MAPT: variants seen among roughly 807,000 people sequenced by gnomAD.
MAPT encodes microtubule-associated protein tau.
Under a neutral mutation model 67.9 loss-of-function variants are expected in MAPT, and 34 were observed. That is an observed-to-expected ratio of 0.50 (90% CI 0.38 to 0.67). The LOEUF is 0.67. Among genes scored for constraint, MAPT ranks in the 30% least tolerant of loss-of-function variants. The pLI is 0.00. For missense variants in MAPT, 881 were observed against 1,115.2 expected (o/e 0.79, Z 2.99); for synonymous variants, 456 against 464.5 (o/e 0.98, Z 0.23).
At chr17:46,021,243 C>G (rs1021639500) in intron 12 of MAPT, among the ~76,000 whole-genome samples, 1 of 152,152 alleles carries the variant, frequency 6.6e-6, no homozygotes, top group Non-Finnish European at 1.5e-5. Flanking sequence ...TCTCGGGTTG[C>G]GCGACAGGGA....
At chr17:45,972,390 C>A (rs1410419156) in intron 3 of MAPT, among the ~76,000 whole-genome samples, 1 of 152,288 alleles carries the variant, frequency 6.6e-6, no homozygotes, top group East Asian at 1.9e-4. Flanking sequence ...GGACTTTGGC[C>A]ACGGTGTTTG....
chr17:45,985,689 G>T, intron 5 of MAPT: 1 of 985,412 alleles, frequency 1.0e-6, no homozygotes, highest in Non-Finnish European at 1.2e-6. Context: ...CGATTTAGCA[G>T]ATTCTTTTGT....
rs1395845753 is a variant in MAPT, at chr17:46,024,776, C to T, written c.*605C>T. ...GAAGTGGGAGTGGGAGAGGAAGCCACGTGCTGGAGAGTAGACATCCCCCTC... is the reference window on the plus strand; with the variant it reads ...GAAGTGGGAGTGGGAGAGGAAGCCATGTGCTGGAGAGTAGACATCCCCCTC... On this transcript the variant is annotated 3_prime_UTR_variant, in exon 13 of 13. Transcript: ENST00000262410. 2.8e-5 allele frequency: 5 copies of T among 179,132 alleles called. No individual in the cohort carries two copies. Among genetic ancestry groups the T allele is most frequent in the South Asian group, 2.4e-4 (2 of 8,460 alleles). 11.1% of individuals were successfully genotyped at this position (179,132 alleles called of 1,614,324 possible).
chr17:45,983,024 G>T lies in MAPT; in HGVS notation c.445G>T (p.Ala149Ser), dbSNP rs1029142365. 2.7e-6 allele frequency: 4 copies of T among 1,475,106 alleles called. No individual in the cohort carries two copies. The highest frequency in any genetic ancestry group is 2.5e-5 in the East Asian group (1 of 40,100). The allele number at this position is 1,475,106 out of a possible 1,614,324, so 91.4% of individuals were successfully genotyped here. A position where few individuals can be genotyped will look rare whatever the true frequency, so the allele number is the denominator to read the frequency against. The change falls in exon 5 of 13, where the codon GCG (alanine) becomes TCG (serine). Residue 149 changes from alanine to serine, a missense_variant. By Grantham distance (99) the Ala-to-Ser change is moderately conservative (BLOSUM62 1). Around this residue, in one of 6 missense-constraint regions of MAPT, gnomAD observed 687 missense variants for 766.1 expected, o/e 0.90. Transcript: ENST00000262410. ...GCCAGAAGCTCCCGTCCCGCTGACC[G>T]CGAGCCTTCCTCAGCACCGTCCCGT... is the stretch of plus-strand genomic sequence containing the variant. Reference protein sequence around the residue: ...KEPEAPVPLTASLPQHRPVCP... With the variant: ...KEPEAPVPLTSSLPQHRPVCP...
chr17:45,904,793 A>G (rs62056803), intron 1 of MAPT, among the ~76,000 whole-genome samples: 21,812 of 152,054 alleles, frequency 0.14, 2,141 homozygotes, highest in Middle Eastern at 0.22. Context: ...TGGGCTTGCC[A>G]AAAACCCGAA....
chr17:45,959,546 GC>G (rs773394777), intron 1 of MAPT, among the ~76,000 whole-genome samples: 25 of 152,086 alleles, frequency 1.6e-4, no homozygotes, highest in Non-Finnish European at 2.9e-4. Flanking sequence ...GGTGGCTCAT[GC>G]CTGTAATCCC....
At chr17:45,968,554 G>A (rs755159705) in intron 2 of MAPT, among the ~76,000 whole-genome samples, 3 of 152,158 alleles carry the variant, frequency 2.0e-5, no homozygotes, top group Non-Finnish European at 4.4e-5. Context: ...GCAATTTCCA[G>A]ACTAAAAGTC....
chr17:45,946,028 A>C (rs978372301), intron 1 of MAPT, among the ~76,000 whole-genome samples: 1 of 151,924 alleles, frequency 6.6e-6, no homozygotes, highest in African/African-American at 2.4e-5. Context: ...TAAGGACCAT[A>C]AATCACTTTT....
intron 12 of MAPT, among the ~76,000 whole-genome samples, chr17:46,019,831 G>T (rs1006120245): frequency 6.6e-6 from 1 of 151,548 alleles, no homozygotes; most frequent in African/African-American, 2.4e-5. Context: ...GGCCAACATG[G>T]TAAAACCCCA....
rs539281047 is a variant in MAPT, at chr17:46,012,199, G to A, written c.2091+1797G>A. 2.0e-5 allele frequency among the ~76,000 whole-genome samples: 3 copies of A among 152,310 alleles called. No homozygotes were observed. The East Asian group carries it at 5.8e-4, about 29-fold the overall frequency. Reference sequence around the variant, plus strand: ...TGGTGGAGGCTGTGCTGCTGAGGCGGAGCTGGGGAGAGAGTGCACACGGGC... The same window carrying A: ...TGGTGGAGGCTGTGCTGCTGAGGCGAAGCTGGGGAGAGAGTGCACACGGGC... On this transcript the variant is annotated intron_variant, in intron 10 of 12. Coordinates refer to ENST00000262410, the MANE Select transcript of MAPT (RefSeq NM_001377265.1).
At position 45,989,992 on chromosome 17, in the gene MAPT, C is replaced by T. The variant is rs367938337; in HGVS notation, c.1522C>T (p.Pro508Ser). The T allele has an allele frequency of 1.2e-6, 2 of 1,614,156 alleles. No homozygotes were observed. The highest frequency in any genetic ancestry group is 2.2e-5 in the South Asian group (2 of 91,078). Residue 508 changes from proline (P) to serine (S), a missense_variant, in exon 7 of 13, where the codon CCA becomes TCA. Pro to Ser is a moderately conservative substitution (Grantham distance 74, BLOSUM62 -1). Coordinates refer to ENST00000262410, the MANE Select transcript of MAPT (RefSeq NM_001377265.1). The part of the protein sequence containing the change: ...LIQPSSPAVC[P>S]EPPSSPKYVS... ...CCAACCCTCCAGCCCTGCTGTGTGC[C>T]CAGAGCCACCTTCCTCTCCTAAATA...
At chr17:46,005,002 T>A (rs1483502714) in intron 9 of MAPT, among the ~76,000 whole-genome samples, 1 of 152,200 alleles carries the variant, frequency 6.6e-6, no homozygotes, top group Non-Finnish European at 1.5e-5. Flanking sequence ...GCCAGGATGG[T>A]CTCAATCTCC....
chr17:45,920,477 C>T (rs923298981), intron 1 of MAPT, among the ~76,000 whole-genome samples: 1 of 152,210 alleles, frequency 6.6e-6, no homozygotes, highest in African/African-American at 2.4e-5. Flanking sequence ...ATTGCGGTGG[C>T]CTTCTCCTCA....
At position 45,995,618 on chromosome 17, in the gene MAPT, A is replaced by G. The variant is rs112572874; in HGVS notation, c.1733-781A>G. Among the ~76,000 whole-genome samples the G allele has an allele frequency of 0.15, 22,168 of 152,216 alleles. 2,164 individuals carry two copies. The highest frequency in any genetic ancestry group is 0.22 in the Non-Finnish European group (14,823 of 67,970). Reference sequence around the variant, plus strand: ...GGACAGCATCTGCATGGAGAGGAGAAGAGACCCCCCAGCAGCTTCCAGGGT... The same window carrying G: ...GGACAGCATCTGCATGGAGAGGAGAGGAGACCCCCCAGCAGCTTCCAGGGT... On this transcript the variant is annotated intron_variant, in intron 8 of 12. Transcript: ENST00000262410. The surrounding 1 kb of genome is among the most constrained non-coding windows in gnomAD (Gnocchi z 4.3).
intron 8 of MAPT, chr17:45,993,783 C>A: frequency 1.3e-6 from 1 of 746,222 alleles, no homozygotes; most frequent in South Asian, 1.6e-5. Flanking sequence ...GGTGGAGAGA[C>A]CCTCCCCCTT....
chr17:45,942,434 G>T (rs1017650818), intron 1 of MAPT, among the ~76,000 whole-genome samples: 1 of 152,192 alleles, frequency 6.6e-6, no homozygotes, highest in South Asian at 2.1e-4. Flanking sequence ...CTGCCTGGCC[G>T]GAGGCTGCAT....
intron 1 of MAPT, among the ~76,000 whole-genome samples, chr17:45,914,962 C>T (rs1322063160): frequency 2.0e-5 from 3 of 152,094 alleles, no homozygotes; most frequent in Non-Finnish European, 4.4e-5. Context: ...AGCAATCCTC[C>T]TGCCTCAGCC....
Position 45,909,446 on chromosome 17 carries a change from C to T in MAPT, c.-18+14760C>T, listed in dbSNP as rs546930445. Among the ~76,000 whole-genome samples, 6 of 152,272 alleles carry T rather than the reference C, an allele frequency of 3.9e-5. No individual in the cohort carries two copies. The East Asian group carries it at 9.7e-4, about 25-fold the overall frequency. On this transcript the variant is annotated intron_variant, in intron 1 of 12. Coordinates refer to ENST00000262410, the MANE Select transcript of MAPT (RefSeq NM_001377265.1). ...TAGAAGGTCAGTCCCAATAACAAAT[C>T]GAAGTCAGCTGGGCGTGATGGCTCA...
intron 9 of MAPT, among the ~76,000 whole-genome samples, chr17:46,001,021 G>A (rs1180781085): frequency 6.6e-6 from 1 of 152,168 alleles, no homozygotes; most frequent in Non-Finnish European, 1.5e-5. Flanking sequence ...TTGAGTCCAG[G>A]AGTTCAAGAC....
Sources: gnomAD v4.1 joint callset for allele counts (sites outside exome capture counted in the v4.1 genomes callset) on GRCh38, gnomAD v4.1.1 for gene constraint, gnomAD v4.1.1 regional missense constraint, Gnocchi (gnomAD v3.1) non-coding constraint, MANE v1.5 for transcripts, NCBI Gene and HGNC (gene_info 2026-07-23, HGNC 2026-07-21) for gene names.